FILIP1L: variants seen among roughly 807,000 people sequenced by gnomAD.
FILIP1L encodes filamin A interacting protein 1 like, also known as filamin A-interacting protein 1-like.
In FILIP1L, 55 loss-of-function variants were observed where a neutral mutation model predicts 96.6. The observed-to-expected ratio is 0.57, with a 90% CI of 0.46 to 0.71. The LOEUF (loss-of-function observed/expected upper bound fraction) is 0.71, where lower values mean the gene tolerates loss of function less well. Among genes scored for constraint, FILIP1L ranks in the 30% least tolerant of loss-of-function variants. FILIP1L has a pLI of 0.00. For synonymous variants in FILIP1L, 467 were observed against 473.9 expected (o/e 0.99, Z 0.19); for missense variants, 1,304 against 1,321.2 (o/e 0.99, Z 0.20).
chr3:99,968,507 G>A (rs1009068671), intron 1 of FILIP1L, among the ~76,000 whole-genome samples: 2 of 152,028 alleles, frequency 1.3e-5, no homozygotes, highest in Admixed American at 6.5e-5. Flanking sequence ...AAACATGGAA[G>A]GTGATGGGAG....
chr3:99,956,638 C>T (rs940223458), intron 1 of FILIP1L, among the ~76,000 whole-genome samples: 10 of 152,214 alleles, frequency 6.6e-5, no homozygotes, highest in Admixed American at 1.3e-4. Flanking sequence ...TGAGCCCCCG[C>T]GCCCAGCCAC....
chr3:99,901,729 G>A (rs534469206), intron 4 of FILIP1L, among the ~76,000 whole-genome samples: 8 of 152,230 alleles, frequency 5.3e-5, no homozygotes, highest in Non-Finnish European at 8.8e-5. Context: ...AACTCTGGAC[G>A]GGATGTAAGT....
At chr3:100,034,922 T>G (rs2107270937) in intron 1 of FILIP1L, among the ~76,000 whole-genome samples, 1 of 152,324 alleles carries the variant, frequency 6.6e-6, no homozygotes, top group East Asian at 1.9e-4. Context: ...ACTTTCCTAT[T>G]TTAATGTTTT....
At chr3:99,945,551 A>G (rs1707984421) in intron 1 of FILIP1L, among the ~76,000 whole-genome samples, 1 of 152,220 alleles carries the variant, frequency 6.6e-6, no homozygotes, top group Non-Finnish European at 1.5e-5. Flanking sequence ...GAGGGAAACA[A>G]AGAATCATTA....
chr3:99,904,195 T>A (rs1706535612), intron 4 of FILIP1L, among the ~76,000 whole-genome samples: 1 of 152,250 alleles, frequency 6.6e-6, no homozygotes, highest in South Asian at 2.1e-4. Context: ...ATGGCTTTCA[T>A]TACAATAAAC....
chr3:100,014,434 A>C (rs1218833639), intron 1 of FILIP1L, among the ~76,000 whole-genome samples: 3 of 151,978 alleles, frequency 2.0e-5, no homozygotes, highest in African/African-American at 7.2e-5. Context: ...TTTCTGTAAT[A>C]GCTATTATAA....
chr3:99,986,017 T>C (rs4928234), intron 1 of FILIP1L, among the ~76,000 whole-genome samples: 123,392 of 152,232 alleles, frequency 0.81, 50,298 homozygotes, highest in African/African-American at 0.9. Context: ...AGATACAGTT[T>C]GCACGTGGAC....
chr3:99,937,936 T>G (rs1707730869), intron 1 of FILIP1L, among the ~76,000 whole-genome samples: 1 of 152,052 alleles, frequency 6.6e-6, no homozygotes, highest in Admixed American at 6.5e-5. Flanking sequence ...AGAAAACCTG[T>G]AGGAAGGGAG....
intron 4 of FILIP1L, among the ~76,000 whole-genome samples, chr3:99,856,098 G>GCTGCTCTGCTCTGCTCTGCT (rs71130096): frequency 3.3e-5 from 5 of 151,352 alleles, no homozygotes; most frequent in Non-Finnish European, 5.9e-5. Flanking sequence ...TGCTGCTCTT[G>GCTGCTCTGCTCTGCTCTGCT]CTGCTCTGCT....
Position 99,902,965 on chromosome 3 carries a change from C to T in FILIP1L, c.605+21265G>A, listed in dbSNP as rs557541544. On this transcript the variant is annotated intron_variant, in intron 4 of 5. Transcript: ENST00000477258. The stretch of plus-strand genomic sequence containing the variant: ...GTGGCAGGACAAATACTCCTGTTCA[C>T]CTAAACCTAGAACTGTTAGAATCTG... 3.3e-5 allele frequency among the ~76,000 whole-genome samples: 5 copies of T among 152,224 alleles called. No individual in the cohort carries two copies. In the South Asian group the frequency reaches 1.0e-3, roughly 32 times the overall value.
intron 4 of FILIP1L, among the ~76,000 whole-genome samples, chr3:99,895,497 C>A (rs2107619438): frequency 6.6e-6 from 1 of 151,776 alleles, no homozygotes; most frequent in South Asian, 2.1e-4. Flanking sequence ...GGCTGATCTC[C>A]TTTTGCAGAA....
intron 1 of FILIP1L, among the ~76,000 whole-genome samples, chr3:100,107,966 G>C (rs1437333330): frequency 6.6e-6 from 1 of 151,034 alleles, no homozygotes; most frequent in Non-Finnish European, 1.5e-5. Flanking sequence ...CATCGGTCAA[G>C]AAAATTTCTG....
chr3:99,913,215 T>C (rs758227304), intron 4 of FILIP1L, among the ~76,000 whole-genome samples: 3 of 152,232 alleles, frequency 2.0e-5, no homozygotes, highest in Non-Finnish European at 4.4e-5. Flanking sequence ...CAATCTCTGG[T>C]ATTTTGTCAT....
intron 5 of FILIP1L, among the ~76,000 whole-genome samples, chr3:99,832,860 TG>T (rs67505418): frequency 0.012 from 1,720 of 139,226 alleles, 92 homozygotes; most frequent in African/African-American, 0.036. Flanking sequence ...AAAAAAAAGT[TG>T]TTTTTTTTTT....
chr3:99,960,990 C>T (rs1708474822), intron 1 of FILIP1L, among the ~76,000 whole-genome samples: 2 of 152,072 alleles, frequency 1.3e-5, no homozygotes, highest in South Asian at 2.1e-4. Flanking sequence ...TGTGTGCATG[C>T]GTGTGTGCAG....
At chr3:99,863,811 A>G (rs1458890823) in intron 4 of FILIP1L, among the ~76,000 whole-genome samples, 1 of 152,226 alleles carries the variant, frequency 6.6e-6, no homozygotes, top group Non-Finnish European at 1.5e-5. Context: ...ATGTACTTGT[A>G]GAGTTTCTTT....
intron 1 of FILIP1L, among the ~76,000 whole-genome samples, chr3:100,085,827 T>C (rs990496081): frequency 3.3e-4 from 50 of 152,242 alleles, no homozygotes; most frequent in African/African-American, 1.1e-3. Flanking sequence ...TGTGTTTCTC[T>C]GGAGACCTCG....
chr3:99,863,176 C>T (rs1944345463), intron 4 of FILIP1L, among the ~76,000 whole-genome samples: 1 of 152,136 alleles, frequency 6.6e-6, no homozygotes, highest in African/African-American at 2.4e-5. Flanking sequence ...GATCATCAGG[C>T]ATTAGATTCT....
At chr3:99,998,514 G>A (rs1709747167) in intron 1 of FILIP1L, among the ~76,000 whole-genome samples, 1 of 152,226 alleles carries the variant, frequency 6.6e-6, no homozygotes, top group Non-Finnish European at 1.5e-5. Context: ...AGTAGGACTT[G>A]TGGGTTGTAC....
Sources: gnomAD v4.1 joint callset for allele counts (sites outside exome capture counted in the v4.1 genomes callset) on GRCh38, gnomAD v4.1.1 for gene constraint, MANE v1.5 for transcripts, NCBI Gene and HGNC (gene_info 2026-07-23, HGNC 2026-07-21) for gene names.